Variants in EEF2KMT observed in about 807,000 individuals in gnomAD.
EEF2KMT encodes the protein eukaryotic elongation factor 2 lysine methyltransferase, also known as protein-lysine N-methyltransferase EEF2KMT.
A neutral mutation model predicts 35.1 loss-of-function variants in EEF2KMT; 30 were observed. That is an observed-to-expected ratio of 0.85 (90% confidence interval 0.64 to 1.16). EEF2KMT has a LOEUF of 1.16. Among genes scored for constraint, EEF2KMT ranks in the 50% most tolerant of loss-of-function variants. The pLI is 0.00. For missense variants in EEF2KMT, 499 were observed against 438.2 expected, an observed-to-expected ratio of 1.14 and a Z score of -1.24; for synonymous variants, 190 against 187.7, an observed-to-expected ratio of 1.01 and a Z score of -0.10.
chr16:5,087,616 G>A (rs1372695114), intron 7 of EEF2KMT, among the ~76,000 whole-genome samples: 2 of 152,050 alleles, frequency 1.3e-5, no homozygotes, highest in Non-Finnish European at 2.9e-5. Context: ...TGGCCAACAT[G>A]GCGAAACCTC....
Position 5,084,890 on chromosome 16 carries a change from C to T in EEF2KMT, c.*742G>A. 1 of 1,581,208 alleles carries T rather than the reference C, an allele frequency of 6.3e-7. No homozygotes were observed. The highest frequency in any genetic ancestry group is 8.5e-7 in the Non-Finnish European group (1 of 1,171,782). On this transcript the variant is annotated 3_prime_UTR_variant, in exon 8 of 8. Coordinates refer to ENST00000427587, the MANE Select transcript of EEF2KMT (RefSeq NM_201400.4). The stretch of plus-strand genomic sequence containing the variant: ...TGGTTATGGACACATAACTCCTGGG[C>T]CAGAGGCTAAAACCCCAGGACCCCT...
chr16:5,089,069 C>T (rs1461579686), intron 7 of EEF2KMT, 38 bp downstream of exon 7: 20 of 1,610,928 alleles, frequency 1.2e-5, no homozygotes, highest in Non-Finnish European at 1.6e-5. Flanking sequence ...AGGGACAGCT[C>T]AGGGACCATG....
At chr16:5,089,052 G>T in intron 7 of EEF2KMT, 55 bp downstream of exon 7, 3 of 1,609,322 alleles carry the variant, frequency 1.9e-6, no homozygotes, top group South Asian at 1.1e-5. Flanking sequence ...TTCCACTGGC[G>T]TCCTGCAGGG....
In EEF2KMT at chr16:5,091,671, G is replaced by A. The variant is rs977017016; in HGVS notation, c.342+123C>T. ...GAAACTGAGGCTAAAGAAGGTTGAC[G>A]GACCTCATGTCTAAGACTGTAGAAT... On this transcript the variant is annotated intron_variant, in intron 4 of 7. Transcript: ENST00000427587. 50 of 1,479,534 alleles carry A rather than the reference G, an allele frequency of 3.4e-5. No homozygotes were observed. The Admixed American group carries it at 5.6e-4, about 16-fold the overall frequency. The allele number at this position is 1,479,534 out of a possible 1,614,324, so 91.7% of individuals were successfully genotyped here. A position where few individuals can be genotyped will look rare whatever the true frequency, so the allele number is the denominator to read the frequency against.
At chr16:5,096,119 A>G (rs1294636792) in intron 1 of EEF2KMT, among the ~76,000 whole-genome samples, 1 of 151,754 alleles carries the variant, frequency 6.6e-6, no homozygotes, top group East Asian at 1.9e-4. Context: ...TTGTTCCTCA[A>G]CCACAGCTGG....
Position 5,092,831 on chromosome 16 carries a change from G to A in EEF2KMT, c.240+653C>T, listed in dbSNP as rs150578952. ...TAAAAAATTAGCCAGGCATGGTGGC[G>A]TGTGCCTGTAGTCCCAGCTTCTTAG... On this transcript the variant is annotated intron_variant, in intron 3 of 7. Transcript: ENST00000427587. Among the ~76,000 whole-genome samples, 174 of 152,256 alleles carry A rather than the reference G, an allele frequency of 1.1e-3. No homozygotes were observed. The East Asian group carries it at 0.022, about 20-fold the overall frequency.
In EEF2KMT at chr16:5,093,130, G is replaced by A. The variant is rs573014873; in HGVS notation, c.240+354C>T. On this transcript the variant is annotated intron_variant, in intron 3 of 7. Coordinates refer to ENST00000427587, the MANE Select transcript of EEF2KMT (RefSeq NM_201400.4). ...TGGGGCAACCCAGAGACGGACAAGA[G>A]CAGGAAACTCCAAACCCTTCAGCGG... 2.0e-5 allele frequency among the ~76,000 whole-genome samples: 3 copies of A among 152,344 alleles called. No individual in the cohort carries two copies. In the South Asian group the frequency reaches 6.2e-4, roughly 32 times the overall value.
Position 5,091,839 on chromosome 16 carries a change from G to A in EEF2KMT, c.297C>T (p.Thr99=), listed in dbSNP as rs1378378307. ...LDELYEALAE[T]LMAKESTQGH... is the part of the protein sequence containing the mutation. ...CCTGGGTGGACTCCTTGGCCATCAG[G>A]GTCTCCGCCAGCGCTTCATACAGCT... is the stretch of plus-strand genomic sequence containing the variant. Residue 99 remains threonine, a synonymous_variant, in exon 4 of 8, where the codon ACC becomes ACT. Transcript: ENST00000427587. The A allele has an allele frequency of 3.1e-6, 5 of 1,611,882 alleles. No homozygotes were observed. The highest frequency in any genetic ancestry group is 1.7e-5 in the Admixed American group (1 of 60,010).
intron 3 of EEF2KMT, among the ~76,000 whole-genome samples, 194 bp downstream of exon 3, chr16:5,093,288 GGA>G (rs1567180938): frequency 6.6e-6 from 1 of 152,246 alleles, no homozygotes; most frequent in African/African-American, 2.4e-5. Flanking sequence ...GCAGAGTGAG[GGA>G]GAGATGCTGG....
At chr16:5,085,819 G>C in intron 7 of EEF2KMT, 87 bp from the exon 8 acceptor site, 1 of 1,054,236 alleles carries the variant, frequency 9.5e-7, no homozygotes, top group Admixed American at 1.7e-5. Flanking sequence ...GACAGGCCTG[G>C]CGGGGTAGGG....
chr16:5,090,922 TA>T lies in EEF2KMT; in HGVS notation c.343-358del, dbSNP rs1249145927. On this transcript the variant is annotated intron_variant, in intron 4 of 7. Transcript: ENST00000427587. The surrounding 1 kb of genome is among the most constrained non-coding windows in gnomAD (Gnocchi z 4.1). ...TTTTTCCTTTGTGGTTTTCTGTATC[TA>T]TGTTTTATCTTATTTTTTTTTGAGC... Among the ~76,000 whole-genome samples the T allele has an allele frequency of 6.6e-6, 1 of 152,152 alleles. No individual in the cohort carries two copies. The highest frequency in any genetic ancestry group is 1.5e-5 in the Non-Finnish European group (1 of 68,030).
chr16:5,095,529 A>G lies in EEF2KMT; in HGVS notation c.97-15T>C, dbSNP rs115385603. The G allele has an allele frequency of 2.1e-3, 3,395 of 1,611,358 alleles. 55 individuals carry two copies. In the African/African-American group the frequency reaches 0.04, roughly 19 times the overall value. ...GCTTCTAAGCTCTGTGTGGAGGGGAAAGAGAGAAATCTCAAGGGCGCATTC... is the reference window on the plus strand; with the variant it reads ...GCTTCTAAGCTCTGTGTGGAGGGGAGAGAGAGAAATCTCAAGGGCGCATTC... On this transcript the variant is annotated splice_polypyrimidine_tract_variant and intron_variant, in intron 1 of 7. Transcript: ENST00000427587.
rs1281721510 is a variant in EEF2KMT, at chr16:5,090,629, G to C, written c.343-64C>G. On this transcript the variant is annotated intron_variant, in intron 4 of 7. Coordinates refer to ENST00000427587, the MANE Select transcript of EEF2KMT (RefSeq NM_201400.4). This position sits in a 1 kb window ranked among gnomAD's most constrained non-coding sequence, Gnocchi z 4.1. ...AGAAGGCAAGTGGCTTAGAAGACAA[G>C]TAGCCCCACCACATGGCTGAATAAA... 5 of 1,602,518 alleles carry C rather than the reference G, an allele frequency of 3.1e-6. No individual in the cohort carries two copies. The African/African-American group carries it at 5.4e-5, about 17-fold the overall frequency.
rs576526110 is a variant in EEF2KMT, at chr16:5,088,982, C to T, written c.892+125G>A. 1.3e-5 allele frequency: 21 copies of T among 1,582,934 alleles called. No homozygotes were observed. The South Asian group carries it at 1.3e-4, about 10-fold the overall frequency. ...CTGCTCACTGGCCTCTGCCTGAGTT[C>T]CCCCCATGGTGTGGGAGTGTGGGGC... On this transcript the variant is annotated intron_variant, in intron 7 of 7. Coordinates refer to ENST00000427587, the MANE Select transcript of EEF2KMT (RefSeq NM_201400.4).
chr16:5,093,525 C>T lies in EEF2KMT; in HGVS notation c.199G>A (p.Val67Ile), dbSNP rs377315909. 9.3e-5 allele frequency: 150 copies of T among 1,611,880 alleles called. No homozygotes were observed. Among genetic ancestry groups the T allele is most frequent in the South Asian group, 8.9e-4 (81 of 90,992 alleles). The change falls in exon 3 of 8, where the codon GTC becomes ATC. Residue 67 changes from valine to isoleucine, a missense_variant. Physicochemically the swap from Val to Ile is conservative, Grantham distance 29. Transcript: ENST00000427587. Reference protein sequence around the residue: ...HPVCVKHPPSVKYARCFLSEL... With the variant: ...HPVCVKHPPSIKYARCFLSEL... ...GAGAGAAAGCACCGGGCATATTTGA[C>T]GGACGGCGGGTGCTTCACACACACA...
rs9673424 is a variant in EEF2KMT at position 5,090,643 on chromosome 16, T to C, written c.343-78A>G. 133,424 of 1,580,708 alleles carry C rather than the reference T, an allele frequency of 0.084. 6,247 individuals are homozygous for C. The highest frequency in any genetic ancestry group is 0.17 in the Admixed American group (9,800 of 58,938). ...TTAGAAGACAAGTAGCCCCACCACA[T>C]GGCTGAATAAACCATGACAGGACCA... On this transcript the variant is annotated intron_variant, in intron 4 of 7. Coordinates refer to ENST00000427587, the MANE Select transcript of EEF2KMT (RefSeq NM_201400.4). The surrounding 1 kb of genome is among the most constrained non-coding windows in gnomAD (Gnocchi z 4.1).
At position 5,088,547 on chromosome 16, in the gene EEF2KMT, C is replaced by T. The variant is rs143499382; in HGVS notation, c.892+560G>A. Among the ~76,000 whole-genome samples the T allele has an allele frequency of 1.3e-3, 200 of 152,158 alleles. 4 individuals are homozygous for T. The East Asian group carries it at 0.023, about 18-fold the overall frequency. On this transcript the variant is annotated intron_variant, in intron 7 of 7. Coordinates refer to ENST00000427587, the MANE Select transcript of EEF2KMT (RefSeq NM_201400.4). ...GGGAGCTCGGGGGTCTCTTGGCCTCCGTGTGTCCTAGTGTCTTTGTTGGTG... is the reference window on the plus strand; with the variant it reads ...GGGAGCTCGGGGGTCTCTTGGCCTCTGTGTGTCCTAGTGTCTTTGTTGGTG...
In EEF2KMT at chr16:5,091,908, A is replaced by T. The variant is rs1957347947; in HGVS notation, c.241-13T>A. 4 of 1,611,518 alleles carry T rather than the reference A, an allele frequency of 2.5e-6. No individual in the cohort carries two copies. The highest frequency in any genetic ancestry group is 4.5e-4 in the Middle Eastern group (2 of 4,428). On this transcript the variant is annotated splice_polypyrimidine_tract_variant and intron_variant, in intron 3 of 7. Coordinates refer to ENST00000427587, the MANE Select transcript of EEF2KMT (RefSeq NM_201400.4). ...GGACAGCCTCGTGCTGGGGGCAGAC[A>T]GAGTGAGAGCTTGTTTGCTTTCGTT...
At chr16:5,087,992 A>T (rs1213509664) in intron 7 of EEF2KMT, among the ~76,000 whole-genome samples, 21 of 138,986 alleles carry the variant, frequency 1.5e-4, no homozygotes, top group Admixed American at 1.4e-3. Context: ...CCCAGGCTGG[A>T]GTGCAGTGGT....
Sources: gnomAD v4.1 joint callset for allele counts (sites outside exome capture counted in the v4.1 genomes callset) on GRCh38, gnomAD v4.1.1 for gene constraint, Gnocchi (gnomAD v3.1) non-coding constraint, MANE v1.5 for transcripts, NCBI Gene and HGNC (gene_info 2026-07-23, HGNC 2026-07-21) for gene names.